CPB1: variants seen among roughly 807,000 people sequenced by gnomAD.
CPB1 encodes carboxypeptidase B.
A neutral mutation model predicts 51.4 loss-of-function variants in CPB1; 53 were observed. The observed-to-expected ratio is 1.03, with a 90% confidence interval of 0.83 to 1.30. The LOEUF (loss-of-function observed/expected upper bound fraction) is 1.30. Ranked by LOEUF, CPB1 falls within the 50% of genes most tolerant of loss-of-function variation. CPB1 has a pLI of 0.00. For missense variants in CPB1, 494 were observed against 516.2 expected (o/e 0.96, Z 0.42); for synonymous variants, 189 against 186.9 (o/e 1.01, Z -0.09).
chr3:148,860,167 T>C lies in CPB1; in HGVS notation c.*165T>C. ...CTTTTCGTATTGATCATAATAAAAGTGAATCATTACTATTGGAAAACTTGA... is the reference window on the plus strand; with the variant it reads ...CTTTTCGTATTGATCATAATAAAAGCGAATCATTACTATTGGAAAACTTGA... On this transcript the variant is annotated 3_prime_UTR_variant, in exon 11 of 11. Coordinates refer to ENST00000282957, the MANE Select transcript of CPB1 (RefSeq NM_001871.3). 2 of 641,958 alleles carry C rather than the reference T, an allele frequency of 3.1e-6. No individual in the cohort carries two copies. Among genetic ancestry groups the C allele is most frequent in the Admixed American group, 3.0e-5 (1 of 33,404 alleles). The allele number at this position is 641,958 out of a possible 1,614,324, so 39.8% of individuals were successfully genotyped here. A position where few individuals can be genotyped will look rare whatever the true frequency, so the allele number is the denominator to read the frequency against.
At chr3:148,837,062 A>T (rs1712926744) in intron 3 of CPB1, among the ~76,000 whole-genome samples, 1 of 152,234 alleles carries the variant, frequency 6.6e-6, no homozygotes. Flanking sequence ...TTCAATGACA[A>T]AGTTTCACTC....
In CPB1 at chr3:148,840,735, C is replaced by A. The variant is rs760745745; in HGVS notation, c.322C>A (p.Arg108=). The A allele has an allele frequency of 1.2e-6, 2 of 1,614,050 alleles. No individual in the cohort carries two copies. Among genetic ancestry groups the A allele is most frequent in the Non-Finnish European group, 8.5e-7 (1 of 1,179,986 alleles). The change falls in exon 4 of 11, where the codon CGG becomes AGG. Residue 108 remains arginine (R), a synonymous_variant. Transcript: ENST00000282957. ...TGTGGTGGAGGCTCAGTTTGATAGC[C>A]GGGTTCGTGCAACAGGACACAGTTA... is the stretch of plus-strand genomic sequence containing the variant. ...RNVVEAQFDS[R]VRATGHSYEK...
At chr3:148,830,751 A>C (rs566745328) in intron 2 of CPB1, among the ~76,000 whole-genome samples, 3 of 152,164 alleles carry the variant, frequency 2.0e-5, no homozygotes, top group Non-Finnish European at 4.4e-5. Context: ...AATAGAATAA[A>C]CAAGGAATAG....
intron 2 of CPB1, among the ~76,000 whole-genome samples, chr3:148,830,846 T>C (rs1712713327): frequency 6.6e-6 from 1 of 152,184 alleles, no homozygotes; most frequent in African/African-American, 2.4e-5. Flanking sequence ...CATCATGCTT[T>C]AGCTCCAAGC....
chr3:148,834,258 T>C (rs62274568), intron 2 of CPB1, among the ~76,000 whole-genome samples: 12,577 of 152,198 alleles, frequency 0.083, 812 homozygotes, highest in African/African-American at 0.17. Flanking sequence ...TGGGAAATGA[T>C]TCTATGTTTT....
chr3:148,858,202 A>G (rs1416871893), intron 10 of CPB1, among the ~76,000 whole-genome samples: 1 of 152,174 alleles, frequency 6.6e-6, no homozygotes, highest in Non-Finnish European at 1.5e-5. Context: ...CCAACCCCAC[A>G]GTATCAGAAT....
At chr3:148,846,256 A>T (rs543936904) in intron 9 of CPB1, among the ~76,000 whole-genome samples, 1 of 152,328 alleles carries the variant, frequency 6.6e-6, no homozygotes, top group East Asian at 1.9e-4. Flanking sequence ...CAATCAAGAC[A>T]TAATCACTTG....
At chr3:148,833,800 A>G (rs1160639795) in intron 2 of CPB1, among the ~76,000 whole-genome samples, 1 of 152,108 alleles carries the variant, frequency 6.6e-6, no homozygotes, top group African/African-American at 2.4e-5. Context: ...CCATAAAGAC[A>G]AAGGCCATGT....
chr3:148,852,905 G>A (rs1030192044), intron 9 of CPB1, among the ~76,000 whole-genome samples: 1 of 152,122 alleles, frequency 6.6e-6, no homozygotes, highest in African/African-American at 2.4e-5. Context: ...TCTAATCTCA[G>A]GGCCTCCTTT....
chr3:148,840,652 T>A (rs1374764807), intron 3 of CPB1, 34 bp from the exon 4 acceptor site: 1 of 1,586,488 alleles, frequency 6.3e-7, no homozygotes, highest in South Asian at 1.1e-5. Context: ...AATACACTTA[T>A]GTTCATAGGA....
Position 148,859,820 on chromosome 3 carries a change from G to A in CPB1, c.1072G>A (p.Ala358Thr), listed in dbSNP as rs751289522. 3.1e-6 allele frequency: 5 copies of A among 1,611,906 alleles called. No homozygotes were observed. The African/African-American group carries it at 5.3e-5, about 17-fold the overall frequency. ...CTGCTGTTTGCACATTTCAGATCCTGCTGCTGGGGGCTCTGACGACTGGGC... is the reference window on the plus strand; with the variant it reads ...CTGCTGTTTGCACATTTCAGATCCTACTGCTGGGGGCTCTGACGACTGGGC... ...YGPGATTIYP[A>T]AGGSDDWAYD... The change falls in exon 11 of 11, where the codon GCT becomes ACT. Residue 358 changes from alanine (A) to threonine (T), a missense_variant. Physicochemically the swap from Ala to Thr is moderately conservative, Grantham distance 58. Coordinates refer to ENST00000282957, the MANE Select transcript of CPB1 (RefSeq NM_001871.3).
intron 2 of CPB1, among the ~76,000 whole-genome samples, chr3:148,830,434 A>G (rs143754622): frequency 1.4e-3 from 212 of 152,266 alleles, no homozygotes; most frequent in African/African-American, 4.9e-3. Flanking sequence ...CTGGGTCTCA[A>G]CTTCCTCATT....
chr3:148,844,909 AAC>A, intron 8 of CPB1, 142 bp downstream of exon 8: 1 of 755,536 alleles, frequency 1.3e-6, no homozygotes, highest in Non-Finnish European at 2.1e-6. Flanking sequence ...AAAAAAAAAA[AAC>A]CAGTTTAATT....
intron 3 of CPB1, among the ~76,000 whole-genome samples, chr3:148,837,156 C>T (rs1434977925): frequency 1.3e-5 from 2 of 152,148 alleles, no homozygotes; most frequent in African/African-American, 2.4e-5. Flanking sequence ...CTTTAGGTGG[C>T]CTGCCCTCCA....
Position 148,845,569 on chromosome 3 carries a change from A to C in CPB1, c.924A>C (p.Gln308His). Reference protein sequence around the residue: ...KAYLTIHSYSQMMIYPYSYAY... With the variant: ...KAYLTIHSYSHMMIYPYSYAY... ...ATCTGACAATCCACTCGTACTCCCA[A>C]ATGATGATCTACCCTTACTCATATG... Residue 308 changes from glutamine to histidine, a missense_variant, in exon 9 of 11, where the codon CAA becomes CAC. Transcript: ENST00000282957. The C allele has an allele frequency of 6.2e-7, 1 of 1,613,946 alleles. No individual in the cohort carries two copies. Among genetic ancestry groups the C allele is most frequent in the African/African-American group, 1.3e-5 (1 of 75,010 alleles).
intron 2 of CPB1, among the ~76,000 whole-genome samples, chr3:148,831,483 A>G (rs1482960627): frequency 6.6e-6 from 1 of 152,212 alleles, no homozygotes; most frequent in Non-Finnish European, 1.5e-5. Flanking sequence ...ATTTTTGAAG[A>G]AAAAAAGATC....
chr3:148,841,770 C>A, intron 5 of CPB1, 53 bp from the exon 6 acceptor site: 8 of 1,476,240 alleles, frequency 5.4e-6, no homozygotes, highest in African/African-American at 1.4e-5. Flanking sequence ...GAGGTTAACC[C>A]CTGAATGTCC....
intron 9 of CPB1, among the ~76,000 whole-genome samples, chr3:148,853,406 A>G (rs1329945408): frequency 6.6e-6 from 1 of 152,194 alleles, no homozygotes; most frequent in African/African-American, 2.4e-5. Context: ...CTCCTTATTC[A>G]TCTCACCAGG....
intron 9 of CPB1, among the ~76,000 whole-genome samples, chr3:148,846,444 C>T (rs1713241767): frequency 6.7e-6 from 1 of 149,678 alleles, no homozygotes; most frequent in Non-Finnish European, 1.5e-5. Context: ...TTGAGTTATG[C>T]CAAAAAAAAA....
Sources: allele counts gnomAD v4.1 joint callset (sites outside exome capture counted in the v4.1 genomes callset), GRCh38; gene constraint gnomAD v4.1.1; transcripts MANE v1.5; gene names NCBI Gene and HGNC (gene_info 2026-07-23, HGNC 2026-07-21).